Variants in MAPK10 observed in about 807,000 individuals in gnomAD.
The protein encoded by MAPK10 is JNK3 alpha protein kinase.
A neutral mutation model predicts 59.3 loss-of-function variants in MAPK10; 25 were observed. That is an observed-to-expected ratio of 0.42 (90% CI 0.31 to 0.59). MAPK10 has a LOEUF of 0.59. Among genes scored for constraint, MAPK10 ranks in the 20% least tolerant of loss-of-function variants. The pLI is 0.15. For missense variants in MAPK10, 351 were observed against 568.9 expected (o/e 0.62, Z 3.90); for synonymous variants, 190 against 200.5 (o/e 0.95, Z 0.44).
intron 13 of MAPK10, chr4:86,027,841 C>G (rs1328879975): frequency 2.0e-5 from 3 of 152,064 alleles, no homozygotes; most frequent in African/African-American, 7.2e-5. Context: ...CTAGTAGGAC[C>G]TATAGAAAGG....
chr4:86,530,481 G>A (rs941439917), intron 1 of MAPK10, among the ~76,000 whole-genome samples: 2 of 152,186 alleles, frequency 1.3e-5, no homozygotes, highest in Admixed American at 6.5e-5. Context: ...GTCCTAGTCT[G>A]TTCAGGCTGC....
intron 2 of MAPK10, among the ~76,000 whole-genome samples, chr4:86,259,751 C>T (rs572674945): frequency 6.6e-6 from 1 of 152,088 alleles, no homozygotes; most frequent in East Asian, 1.9e-4. Flanking sequence ...CATTACCATC[C>T]AAGCCATTTG....
chr4:86,076,721 AC>A (rs1482149209), intron 9 of MAPK10, among the ~76,000 whole-genome samples: 11 of 152,296 alleles, frequency 7.2e-5, no homozygotes, highest in African/African-American at 2.6e-4. Context: ...AAATGGGAAA[AC>A]AGATTTCCAC....
At chr4:86,429,412 G>C (rs1406123494) in intron 1 of MAPK10, among the ~76,000 whole-genome samples, 1 of 152,084 alleles carries the variant, frequency 6.6e-6, no homozygotes, top group East Asian at 1.9e-4. Flanking sequence ...TATTAAAAAA[G>C]ATTACTGAGC....
chr4:86,336,935 C>T lies in MAPK10; in HGVS notation c.-7+17595G>A, dbSNP rs190062016. ...CCTCCCAAGTAGCTGGGACTACAGG[C>T]GCCCGCCACCGCGCCTGCTAATTTT... On this transcript the variant is annotated intron_variant, in intron 2 of 13. Coordinates refer to ENST00000641462, the MANE Select transcript of MAPK10 (RefSeq NM_138982.4). Among the ~76,000 whole-genome samples the T allele has an allele frequency of 4.5e-4, 68 of 152,014 alleles. 1 individual carries two copies. The highest frequency in any genetic ancestry group is 8.3e-4 in the South Asian group (4 of 4,806).
At chr4:86,487,364 T>A (rs796257233) in intron 1 of MAPK10, among the ~76,000 whole-genome samples, 8 of 138,916 alleles carry the variant, frequency 5.8e-5, no homozygotes, top group Non-Finnish European at 7.8e-5. Context: ...AGAGAGAGAG[T>A]GTGTGTGTGT....
chr4:86,107,261 G>C lies in MAPK10; in HGVS notation c.328C>G (p.Arg110Gly). 6.2e-7 allele frequency: 1 copy of C among 1,613,122 alleles called. No homozygotes were observed. The highest frequency in any genetic ancestry group is 8.5e-7 in the Non-Finnish European group (1 of 1,179,412). ...QNQTHAKRAYRELVLMKCVNH... is the reference protein window; with the variant it reads ...QNQTHAKRAYGELVLMKCVNH... ...ACACACTTCATGAGGACCAGCTCCC[G>C]GTACGCTCTCTTGGCATGTGTTTGG... The change falls in exon 5 of 14, where the codon CGG (arginine) becomes GGG (glycine). Residue 110 changes from arginine (R) to glycine (G), a missense_variant. Arg to Gly is a moderately radical substitution (Grantham distance 125, BLOSUM62 -2). This residue lies in a region of MAPK10 where 51 missense variants were observed against 72.7 expected (regional missense o/e 0.70). Transcript: ENST00000641462.
upstream of MAPK10, among the ~76,000 whole-genome samples, chr4:86,362,586 C>T (rs1443693447): frequency 6.6e-6 from 1 of 152,046 alleles, no homozygotes; most frequent in South Asian, 2.1e-4. Context: ...ACATGTCCTA[C>T]AATTCAATAA....
intron 2 of MAPK10, among the ~76,000 whole-genome samples, chr4:86,337,319 A>G (rs546702844): frequency 2.6e-4 from 39 of 152,338 alleles, no homozygotes; most frequent in African/African-American, 9.1e-4. Flanking sequence ...GATTTTCTGC[A>G]CTAATGATAA....
At chr4:86,326,059 C>T (rs1281924729) in intron 2 of MAPK10, 1 of 152,104 alleles carries the variant, frequency 6.6e-6, no homozygotes, top group East Asian at 1.9e-4. Context: ...GAAAATACAG[C>T]AATATTTTTG....
intron 1 of MAPK10, among the ~76,000 whole-genome samples, chr4:86,375,266 A>G (rs1739602903): frequency 6.6e-6 from 1 of 152,222 alleles, no homozygotes; most frequent in Non-Finnish European, 1.5e-5. Context: ...GAACCAGCCA[A>G]TGGTAATGAA....
chr4:86,220,905 A>C (rs1021320238), intron 2 of MAPK10, among the ~76,000 whole-genome samples: 1 of 152,240 alleles, frequency 6.6e-6, no homozygotes, highest in Non-Finnish European at 1.5e-5. Context: ...ATTGTCGAAC[A>C]ACATAAGGGG....
At chr4:86,354,741 G>T in intron 1 of MAPK10, 97 bp from the exon 2 acceptor site, 1 of 417,550 alleles carries the variant, frequency 2.4e-6, no homozygotes, top group Non-Finnish European at 4.1e-6. Flanking sequence ...TTGGTTACTG[G>T]GTGGGTGAGT....
At chr4:86,445,285 TG>T (rs982844501) in intron 1 of MAPK10, among the ~76,000 whole-genome samples, 4 of 152,190 alleles carry the variant, frequency 2.6e-5, no homozygotes, top group African/African-American at 9.7e-5. Flanking sequence ...TGAATGGAGC[TG>T]GAAGCCATTA....
At chr4:86,359,287 T>TCTCTCTCTCTCTCTCTCTCC (rs1173944873) in intron 1 of MAPK10, among the ~76,000 whole-genome samples, 18 of 128,470 alleles carry the variant, frequency 1.4e-4, no homozygotes, top group African/African-American at 4.1e-4. Flanking sequence ...TCTCTCTCTC[T>TCTCTCTCTCTCTCTCTCTCC]CTGTGTGTGT....
intron 11 of MAPK10, among the ~76,000 whole-genome samples, chr4:86,034,902 G>A (rs1190705898): frequency 6.6e-6 from 1 of 152,122 alleles, no homozygotes; most frequent in Admixed American, 6.5e-5. Context: ...AATAGGGGTG[G>A]TGGTGGTGGT....
At chr4:86,202,571 C>T (rs191558751) in intron 2 of MAPK10, among the ~76,000 whole-genome samples, 10 of 151,816 alleles carry the variant, frequency 6.6e-5, no homozygotes, top group Admixed American at 2.6e-4. Flanking sequence ...TGTGAATTTG[C>T]GATACATTTG....
intron 2 of MAPK10, among the ~76,000 whole-genome samples, chr4:86,249,513 C>A (rs1281826258): frequency 2.6e-5 from 4 of 152,126 alleles, no homozygotes; most frequent in Admixed American, 2.6e-4. Flanking sequence ...TATGTCACCC[C>A]TTTTGTCAAA....
At chr4:86,397,834 A>T (rs55642851) in intron 1 of MAPK10, among the ~76,000 whole-genome samples, 25,569 of 146,198 alleles carry the variant, frequency 0.17, 2,366 homozygotes, top group South Asian at 0.28. Context: ...AATTTCCCAG[A>T]TCATTACGTA....
Sources: allele counts gnomAD v4.1 joint callset (sites outside exome capture counted in the v4.1 genomes callset), GRCh38; gene constraint gnomAD v4.1.1; regional missense constraint gnomAD v4.1.1; transcripts MANE v1.5; gene names NCBI Gene and HGNC (gene_info 2026-07-23, HGNC 2026-07-21).